MIA2: variants seen among roughly 807,000 people sequenced by gnomAD.
MIA2 encodes the protein melanoma inhibitory activity protein 2.
In MIA2, 127 loss-of-function variants were observed where a neutral mutation model predicts 167.8. The observed-to-expected ratio is 0.76, with a 90% CI of 0.66 to 0.88. The LOEUF (loss-of-function observed/expected upper bound fraction) is 0.88. MIA2 is among the 40% of genes least tolerant of loss of function. MIA2 has a pLI of 0.00. For missense variants in MIA2, 1,690 were observed against 1,624.7 expected (o/e 1.04, Z -0.69); for synonymous variants, 552 against 541.9 (o/e 1.02, Z -0.26).
intron 21 of MIA2, among the ~76,000 whole-genome samples, chr14:39,316,613 C>G (rs2065499015): frequency 6.6e-6 from 1 of 152,050 alleles, no homozygotes; most frequent in South Asian, 2.1e-4. Context: ...AGTGGAGATT[C>G]CAGCCTAGGG....
At chr14:39,339,752 G>A (rs1216793656) in intron 25 of MIA2, among the ~76,000 whole-genome samples, 1 of 152,136 alleles carries the variant, frequency 6.6e-6, no homozygotes, top group African/African-American at 2.4e-5. Flanking sequence ...AGGCACATGT[G>A]GCTAGTAAAT....
At chr14:39,368,114 G>A (rs776161188) in intron 23 of MIA2, among the ~76,000 whole-genome samples, 7 of 151,846 alleles carry the variant, frequency 4.6e-5, no homozygotes, top group Non-Finnish European at 1.5e-5. Flanking sequence ...TTATTGTTTT[G>A]TTAAGGTTCT....
At chr14:39,323,013 T>TA (rs1566921282) in intron 24 of MIA2, among the ~76,000 whole-genome samples, 1 of 152,246 alleles carries the variant, frequency 6.6e-6, no homozygotes, top group Non-Finnish European at 1.5e-5. Flanking sequence ...AGATGGGTAT[T>TA]ACTCATCTAA....
chr14:39,317,491 T>C (rs2065690026), intron 21 of MIA2, among the ~76,000 whole-genome samples: 3 of 152,174 alleles, frequency 2.0e-5, no homozygotes, highest in Non-Finnish European at 4.4e-5. Flanking sequence ...CATGAGGCTC[T>C]GAACGTTTGA....
At position 39,303,464 on chromosome 14, in the gene MIA2, G is replaced by C; in HGVS notation, c.2741-14G>C. The C allele has an allele frequency of 6.2e-7, 1 of 1,603,234 alleles. No homozygotes were observed. Among genetic ancestry groups the C allele is most frequent in the Non-Finnish European group, 8.5e-7 (1 of 1,172,602 alleles). ...TTTCCCAAATCATTGTTGTGCTTTT[G>C]ATTTTCACTGTAGATAATCCTCCAA... On this transcript the variant is annotated splice_polypyrimidine_tract_variant and intron_variant, in intron 15 of 28. Transcript: ENST00000640607.
At chr14:39,342,261 G>C (rs1304535839) in intron 25 of MIA2, among the ~76,000 whole-genome samples, 1 of 150,754 alleles carries the variant, frequency 6.6e-6, no homozygotes, top group South Asian at 2.1e-4. Context: ...AACATGCAGT[G>C]TTTGGTTTTT....
At chr14:39,386,223 C>T (rs1390211797) in intron 23 of MIA2, 1 of 1,404,818 alleles carries the variant, frequency 7.1e-7, no homozygotes, top group Non-Finnish European at 1.0e-6. Flanking sequence ...CCCAGTTTGT[C>T]TGCAGTTGTA....
At chr14:39,363,501 C>G (rs1425454812) in intron 23 of MIA2, among the ~76,000 whole-genome samples, 1 of 152,172 alleles carries the variant, frequency 6.6e-6, no homozygotes, top group Non-Finnish European at 1.5e-5. Context: ...TGTTCTCCAG[C>G]CTGGGTGACA....
At chr14:39,267,435 C>A in intron 6 of MIA2, 1 of 1,610,822 alleles carries the variant, frequency 6.2e-7, no homozygotes, top group Non-Finnish European at 8.5e-7. Context: ...GTTACTGTGG[C>A]GACCACGAGA....
chr14:39,361,929 C>T (rs185662687), intron 23 of MIA2, among the ~76,000 whole-genome samples: 3 of 152,230 alleles, frequency 2.0e-5, no homozygotes, highest in African/African-American at 4.8e-5. Context: ...TTAATTTTAT[C>T]TTCGTCTATT....
chr14:39,365,659 CT>C (rs2074805949), intron 23 of MIA2, among the ~76,000 whole-genome samples: 1 of 27,530 alleles, frequency 3.6e-5, no homozygotes, highest in Non-Finnish European at 5.9e-5. Context: ...ACCTATCTAT[CT>C]ATCTATCTAT....
At chr14:39,304,973 A>T (rs1345601086) in intron 17 of MIA2, among the ~76,000 whole-genome samples, 1 of 152,228 alleles carries the variant, frequency 6.6e-6, no homozygotes, top group Non-Finnish European at 1.5e-5. Flanking sequence ...AAAATAAAAA[A>T]TATAAAGATT....
At chr14:39,366,102 G>A (rs1353665535) in intron 23 of MIA2, among the ~76,000 whole-genome samples, 1 of 152,188 alleles carries the variant, frequency 6.6e-6, no homozygotes, top group African/African-American at 2.4e-5. Context: ...AGCTTCAGTG[G>A]TGTTTGTGAT....
chr14:39,297,097 G>A (rs933750470), intron 13 of MIA2, among the ~76,000 whole-genome samples: 1 of 150,644 alleles, frequency 6.6e-6, no homozygotes, highest in South Asian at 2.1e-4. Context: ...TTTTCTATAG[G>A]ATATATATTT....
At chr14:39,244,196 T>G (rs1284798775) in intron 3 of MIA2, among the ~76,000 whole-genome samples, 2 of 152,216 alleles carry the variant, frequency 1.3e-5, no homozygotes, top group Non-Finnish European at 1.5e-5. Flanking sequence ...AGAGTAATAA[T>G]TTTAGATTAT....
chr14:39,292,980 C>T (rs975817426), intron 10 of MIA2, among the ~76,000 whole-genome samples: 7 of 151,996 alleles, frequency 4.6e-5, no homozygotes, highest in Non-Finnish European at 8.8e-5. Context: ...TGTTTTGGAA[C>T]ACAGCCATGC....
At chr14:39,298,902 A>G (rs1019653087) in intron 13 of MIA2, among the ~76,000 whole-genome samples, 3 of 151,224 alleles carry the variant, frequency 2.0e-5, no homozygotes, top group African/African-American at 7.3e-5. Flanking sequence ...TGGGCGACAT[A>G]GTAAGACCTT....
At chr14:39,245,902 C>G (rs1170569140) in intron 3 of MIA2, among the ~76,000 whole-genome samples, 1 of 152,020 alleles carries the variant, frequency 6.6e-6, no homozygotes, top group Non-Finnish European at 1.5e-5. Flanking sequence ...TTTGGGGACA[C>G]AGTCAAACCA....
chr14:39,387,113 G>A (rs2075284713), exon 24 of MIA2: 1 of 581,930 alleles, frequency 1.7e-6, no homozygotes, highest in Non-Finnish European at 3.1e-6. Context: ...CTTGCTTGGT[G>A]CTCAACGGAA....
Sources: allele counts gnomAD v4.1 joint callset (sites outside exome capture counted in the v4.1 genomes callset), GRCh38; gene constraint gnomAD v4.1.1; transcripts MANE v1.5; gene names NCBI Gene and HGNC (gene_info 2026-07-23, HGNC 2026-07-21).